Variants in ASTN2 observed in about 807,000 individuals in gnomAD.
ASTN2 encodes astrotactin-2.
A neutral mutation model predicts 139.8 loss-of-function variants in ASTN2; 54 were observed. That is an observed-to-expected ratio of 0.39 (90% CI 0.31 to 0.48). The LOEUF (loss-of-function observed/expected upper bound fraction) is 0.48. ASTN2 is among the 20% of genes least tolerant of loss of function. ASTN2 has a pLI of 0.95. For missense variants in ASTN2, 1,565 were observed against 1,725.1 expected (o/e 0.91, Z 1.64); for synonymous variants, 756 against 719.5 (o/e 1.05, Z -0.81).
intron 11 of ASTN2, among the ~76,000 whole-genome samples, chr9:116,854,752 C>T (rs1011166393): frequency 2.0e-5 from 3 of 151,204 alleles, no homozygotes; most frequent in Non-Finnish European, 4.4e-5. Flanking sequence ...CCCGGGTTCA[C>T]GCCATTCTCC....
At chr9:117,383,077 A>G (rs543796251) in intron 1 of ASTN2, among the ~76,000 whole-genome samples, 2 of 152,352 alleles carry the variant, frequency 1.3e-5, no homozygotes, top group South Asian at 4.1e-4. Flanking sequence ...GTAAACAAAT[A>G]AGCGTGGCTG....
chr9:116,942,931 C>G (rs1835281150), intron 10 of ASTN2, among the ~76,000 whole-genome samples: 2 of 152,202 alleles, frequency 1.3e-5, no homozygotes, highest in Non-Finnish European at 2.9e-5. Flanking sequence ...TCATAACTCT[C>G]CTCTTTGTGG....
intron 6 of ASTN2, among the ~76,000 whole-genome samples, chr9:117,018,705 G>T (rs1418587165): frequency 6.6e-6 from 1 of 152,074 alleles, no homozygotes; most frequent in African/African-American, 2.4e-5. Context: ...TCTTTTCTCT[G>T]CTTGCTCATC....
At chr9:116,470,291 C>T (rs1314515410) in intron 20 of ASTN2, among the ~76,000 whole-genome samples, 1 of 152,106 alleles carries the variant, frequency 6.6e-6, no homozygotes, top group Non-Finnish European at 1.5e-5. Context: ...AAAGATTCGG[C>T]GTGTTCTGAG....
In ASTN2 at chr9:116,425,732, C is replaced by T. The variant is rs572205700; in HGVS notation, c.*119G>A. The T allele has an allele frequency of 7.9e-5, 127 of 1,605,546 alleles. No homozygotes were observed. The East Asian group carries it at 2.7e-3, about 34-fold the overall frequency. On this transcript the variant is annotated 3_prime_UTR_variant, in exon 23 of 23. Coordinates refer to ENST00000313400, the MANE Select transcript of ASTN2 (RefSeq NM_001365068.1). ...CGTTTGCTTTGGCCTTGCTGGCAAGCTTCATCTGCTAGGCCCATCCTCAGC... is the reference window on the plus strand; with the variant it reads ...CGTTTGCTTTGGCCTTGCTGGCAAGTTTCATCTGCTAGGCCCATCCTCAGC...
At chr9:116,551,172 C>T (rs866678175) in intron 19 of ASTN2, 16 of 152,324 alleles carry the variant, frequency 1.1e-4, no homozygotes, top group African/African-American at 1.7e-4. Context: ...AATTCTGGTT[C>T]AGTCATTTTG....
intron 1 of ASTN2, among the ~76,000 whole-genome samples, chr9:117,347,385 G>T (rs1010834766): frequency 6.6e-5 from 10 of 152,118 alleles, no homozygotes; most frequent in Middle Eastern, 3.4e-3. Flanking sequence ...CCACCTGGGA[G>T]GTTGCCCCAG....
At chr9:117,120,010 G>GTATA (rs1167959692) in intron 4 of ASTN2, among the ~76,000 whole-genome samples, 119 of 33,680 alleles carry the variant, frequency 3.5e-3, no homozygotes, top group African/African-American at 9.1e-3. Context: ...GTGTGTGTGT[G>GTATA]TGTGTGTGTA....
chr9:116,701,374 G>T, intron 16 of ASTN2: 1 of 157,904 alleles, frequency 6.3e-6, no homozygotes, highest in Middle Eastern at 3.4e-3. Flanking sequence ...TCAAAGATTG[G>T]GTAATTGAGA....
chr9:117,315,697 G>C (rs1448823019), intron 1 of ASTN2, among the ~76,000 whole-genome samples: 2 of 152,174 alleles, frequency 1.3e-5, no homozygotes, highest in Non-Finnish European at 2.9e-5. Context: ...ATTATGTTGA[G>C]TTTCAGTTCC....
chr9:117,025,820 C>T (rs374062176), intron 6 of ASTN2, among the ~76,000 whole-genome samples: 3 of 147,096 alleles, frequency 2.0e-5, no homozygotes, highest in East Asian at 4.0e-4. Flanking sequence ...TTGACAGAGT[C>T]TCGCTCTGTT....
chr9:116,511,518 A>G (rs1452400570), intron 19 of ASTN2, among the ~76,000 whole-genome samples: 4 of 152,210 alleles, frequency 2.6e-5, no homozygotes, highest in Non-Finnish European at 5.9e-5. Context: ...CTGGCCTCGT[A>G]AAATGAGTTA....
At chr9:116,962,065 G>A (rs1835888915) in intron 10 of ASTN2, among the ~76,000 whole-genome samples, 1 of 152,234 alleles carries the variant, frequency 6.6e-6, no homozygotes, top group African/African-American at 2.4e-5. Context: ...AGAGCATTTA[G>A]CACCATAGCC....
At chr9:117,048,476 T>A (rs144848537) in intron 5 of ASTN2, among the ~76,000 whole-genome samples, 11 of 152,270 alleles carry the variant, frequency 7.2e-5, no homozygotes, top group African/African-American at 2.6e-4. Context: ...ACAAAGACCG[T>A]TTCTATAGTG....
intron 20 of ASTN2, among the ~76,000 whole-genome samples, chr9:116,459,056 G>A (rs1025581071): frequency 6.6e-6 from 1 of 152,032 alleles, no homozygotes; most frequent in African/African-American, 2.4e-5. Flanking sequence ...TATGAGGACA[G>A]ATGTAGATCA....
intron 13 of ASTN2, among the ~76,000 whole-genome samples, chr9:116,745,256 C>A (rs1829204101): frequency 6.6e-6 from 1 of 152,180 alleles, no homozygotes; most frequent in Admixed American, 6.5e-5. Flanking sequence ...CCAATCCAGT[C>A]CTGTTTCGAC....
chr9:117,193,163 G>A (rs1831392802), intron 3 of ASTN2, among the ~76,000 whole-genome samples: 1 of 152,168 alleles, frequency 6.6e-6, no homozygotes, highest in Non-Finnish European at 1.5e-5. Flanking sequence ...ATGCAATCCT[G>A]TCTCCCCCTG....
At chr9:116,826,829 C>T (rs921109704) in intron 11 of ASTN2, among the ~76,000 whole-genome samples, 2 of 152,192 alleles carry the variant, frequency 1.3e-5, no homozygotes, top group African/African-American at 4.8e-5. Flanking sequence ...AAGACTGGCT[C>T]ACTTTGTATT....
At chr9:116,582,556 A>G (rs559578364) in intron 19 of ASTN2, 1 of 152,348 alleles carries the variant, frequency 6.6e-6, no homozygotes, top group South Asian at 2.1e-4. Flanking sequence ...CCTGTGCTGA[A>G]CACCGTTCTC....
Sources: gnomAD v4.1 joint callset for allele counts (sites outside exome capture counted in the v4.1 genomes callset) on GRCh38, gnomAD v4.1.1 for gene constraint, MANE v1.5 for transcripts, NCBI Gene and HGNC (gene_info 2026-07-23, HGNC 2026-07-21) for gene names.